Variants in SLCO5A1 observed in about 807,000 individuals in gnomAD.
SLCO5A1 encodes the protein organic anion transporter polypeptide-related protein 4.
Under a neutral mutation model 65.1 loss-of-function variants are expected in SLCO5A1, and 39 were observed. The ratio of observed to expected loss-of-function variants is 0.60; its 90% CI spans 0.46 to 0.78. The LOEUF (loss-of-function observed/expected upper bound fraction) is 0.78, where lower values mean the gene tolerates loss of function less well. Ranked by LOEUF, SLCO5A1 falls within the 30% of genes least tolerant of loss-of-function variation. SLCO5A1 has a pLI of 0.00. For missense variants in SLCO5A1, 1,029 were observed against 1,069.4 expected (o/e 0.96, Z 0.53); for synonymous variants, 438 against 415.7 (o/e 1.05, Z -0.65).
intron 4 of SLCO5A1, among the ~76,000 whole-genome samples, chr8:69,747,155 G>T (rs1401827122): frequency 1.3e-5 from 2 of 152,168 alleles, no homozygotes; most frequent in Non-Finnish European, 2.9e-5. Flanking sequence ...CTGTGGCCCT[G>T]CATGGCAAGG....
intron 6 of SLCO5A1, among the ~76,000 whole-genome samples, chr8:69,702,893 G>A (rs1264138717): frequency 6.6e-6 from 1 of 152,092 alleles, no homozygotes; most frequent in Admixed American, 6.5e-5. Context: ...AGGATCATTT[G>A]AGCTCAGGAG....
At chr8:69,773,214 G>T (rs1161397400) in intron 2 of SLCO5A1, among the ~76,000 whole-genome samples, 4 of 152,218 alleles carry the variant, frequency 2.6e-5, no homozygotes, top group Non-Finnish European at 5.9e-5. Context: ...GCTGCATGCA[G>T]GCTGCCAGTC....
rs1554613253 is a variant in SLCO5A1, at chr8:69,726,496, C to CTTT, written c.1423+11541_1423+11543dup. Among the ~76,000 whole-genome samples the CTTT allele has an allele frequency of 2.9e-3, 331 of 114,922 alleles. 1 individual carries two copies. Among genetic ancestry groups the CTTT allele is most frequent in the South Asian group, 8.6e-3 (31 of 3,618 alleles). 75.4% of individuals were successfully genotyped at this position (114,922 alleles called of 152,430 possible). A position where few individuals can be genotyped will look rare whatever the true frequency, so the allele number is the denominator to read the frequency against. ...GCTTTCTCTTTCATTTTCCTACCTC[C>CTTT]TTTTTTTTTTTTTTTTTTGGGGGGA... is the stretch of plus-strand genomic sequence containing the variant. On this transcript the variant is annotated intron_variant, in intron 5 of 9. Coordinates refer to ENST00000260126, the MANE Select transcript of SLCO5A1 (RefSeq NM_030958.3).
intron 2 of SLCO5A1, among the ~76,000 whole-genome samples, chr8:69,773,391 C>T (rs1586784437): frequency 6.6e-6 from 1 of 152,164 alleles, no homozygotes; most frequent in Non-Finnish European, 1.5e-5. Context: ...AATGGGGAGT[C>T]CAGGCGCTCA....
chr8:69,688,343 A>C (rs1316360805), intron 6 of SLCO5A1, among the ~76,000 whole-genome samples: 1 of 150,974 alleles, frequency 6.6e-6, no homozygotes, highest in Non-Finnish European at 1.5e-5. Context: ...TTTTTTTTTT[A>C]TTATTATTAT....
At chr8:69,725,384 G>A (rs1024697274) in intron 5 of SLCO5A1, among the ~76,000 whole-genome samples, 1 of 152,072 alleles carries the variant, frequency 6.6e-6, no homozygotes, top group African/African-American at 2.4e-5. Flanking sequence ...TTTCTGTAAA[G>A]TACCCCCAGA....
chr8:69,764,286 A>C (rs374311155), intron 2 of SLCO5A1, among the ~76,000 whole-genome samples: 2 of 152,244 alleles, frequency 1.3e-5, no homozygotes, highest in Non-Finnish European at 2.9e-5. Context: ...GCTTTGCCAT[A>C]TCCTTTAAAG....
chr8:69,828,412 C>T (rs958630076), intron 2 of SLCO5A1, among the ~76,000 whole-genome samples: 3 of 151,994 alleles, frequency 2.0e-5, no homozygotes, highest in African/African-American at 4.8e-5. Context: ...ACCATCCTGG[C>T]TAACATGGTG....
chr8:69,742,311 T>C (rs137928811), intron 4 of SLCO5A1, among the ~76,000 whole-genome samples: 19 of 152,294 alleles, frequency 1.2e-4, no homozygotes, highest in African/African-American at 4.6e-4. Context: ...ACAGAATATA[T>C]TTTAGATCAG....
At chr8:69,819,329 C>T (rs147546242) in intron 2 of SLCO5A1, among the ~76,000 whole-genome samples, 9 of 151,814 alleles carry the variant, frequency 5.9e-5, no homozygotes, top group African/African-American at 2.2e-4. Flanking sequence ...ACCGAGACAC[C>T]ACCGCCACCC....
intron 6 of SLCO5A1, among the ~76,000 whole-genome samples, chr8:69,696,822 G>C (rs1814517633): frequency 6.6e-6 from 1 of 152,088 alleles, no homozygotes; most frequent in Non-Finnish European, 1.5e-5. Flanking sequence ...AGAGAGATCT[G>C]AGAAGACATT....
chr8:69,831,976 T>G lies in SLCO5A1; in HGVS notation c.698A>C (p.Asn233Thr). 6.3e-7 allele frequency: 1 copy of G among 1,593,592 alleles called. No homozygotes were observed. Residue 233 changes from asparagine (N) to threonine (T), a missense_variant, in exon 2 of 10, where the codon AAC becomes ACC. Asn to Thr is a moderately conservative substitution (Grantham distance 65). Around this residue, in one of 3 missense-constraint regions of SLCO5A1, gnomAD observed 647 missense variants for 647.5 expected, o/e 1.00. Coordinates refer to ENST00000260126, the MANE Select transcript of SLCO5A1 (RefSeq NM_030958.3). Reference sequence around the variant, plus strand: ...GTTGCCACCCTGACACAGGCCGTCGTTGGGGGCCGAGGCGTTCAACTCTTG... The same window carrying G: ...GTTGCCACCCTGACACAGGCCGTCGGTGGGGGCCGAGGCGTTCAACTCTTG... ...QIQELNASAP[N>T]DGLCQGGNST...
At chr8:69,797,479 C>T (rs554136718) in intron 2 of SLCO5A1, among the ~76,000 whole-genome samples, 18 of 152,312 alleles carry the variant, frequency 1.2e-4, no homozygotes, top group South Asian at 2.1e-4. Flanking sequence ...CTCTGACTGC[C>T]GGTGAGCTGG....
At chr8:69,723,459 T>C (rs913048563) in intron 5 of SLCO5A1, among the ~76,000 whole-genome samples, 3 of 151,926 alleles carry the variant, frequency 2.0e-5, no homozygotes, top group African/African-American at 7.3e-5. Context: ...TCTCACTATG[T>C]TGCCCAGGCT....
intron 5 of SLCO5A1, among the ~76,000 whole-genome samples, chr8:69,708,299 C>A (rs1197219042): frequency 1.3e-5 from 2 of 152,160 alleles, no homozygotes; most frequent in African/African-American, 2.4e-5. Context: ...TTCTTTGCCT[C>A]GTCATGGAGA....
chr8:69,816,734 C>T (rs1820426426), intron 2 of SLCO5A1, among the ~76,000 whole-genome samples: 1 of 152,152 alleles, frequency 6.6e-6, no homozygotes, highest in Non-Finnish European at 1.5e-5. Context: ...TTTTTCTCTT[C>T]CCAAGTCCCT....
At chr8:69,727,946 A>G (rs981035607) in intron 5 of SLCO5A1, among the ~76,000 whole-genome samples, 12 of 152,230 alleles carry the variant, frequency 7.9e-5, no homozygotes, top group Admixed American at 2.0e-4. Context: ...GATAGTTTAA[A>G]AGGAACAAGT....
intron 2 of SLCO5A1, 66 bp downstream of exon 2, chr8:69,831,701 G>T (rs2130930558): frequency 1.4e-6 from 2 of 1,475,470 alleles, no homozygotes; most frequent in South Asian, 2.5e-5. Context: ...GTTTCCTTTT[G>T]ATTTTTGTAA....
At chr8:69,744,827 T>C (rs377073758) in intron 4 of SLCO5A1, among the ~76,000 whole-genome samples, 1 of 152,236 alleles carries the variant, frequency 6.6e-6, no homozygotes, top group Non-Finnish European at 1.5e-5. Flanking sequence ...TAAGAAAGCA[T>C]AAGTCATAAG....
Sources: allele counts gnomAD v4.1 joint callset (sites outside exome capture counted in the v4.1 genomes callset), GRCh38; gene constraint gnomAD v4.1.1; regional missense constraint gnomAD v4.1.1; transcripts MANE v1.5; gene names NCBI Gene and HGNC (gene_info 2026-07-23, HGNC 2026-07-21).